Variants in UGT2A1 observed in about 807,000 individuals in gnomAD.
UGT2A1 encodes the protein UDP-glucuronosyltransferase 2A1.
In UGT2A1, 61 loss-of-function variants were observed where a neutral mutation model predicts 45.4. The ratio of observed to expected loss-of-function variants is 1.34; its 90% CI spans 1.09 to 1.66. The LOEUF (loss-of-function observed/expected upper bound fraction) is 1.66, where lower values mean the gene tolerates loss of function less well. Ranked by LOEUF, UGT2A1 falls within the 40% of genes most tolerant of loss-of-function variation. UGT2A1 has a pLI of 0.00. For synonymous variants in UGT2A1, 229 were observed against 196.2 expected (o/e 1.17, Z -1.40); for missense variants, 649 against 574.3 (o/e 1.13, Z -1.33).
chr4:69,639,879 T>C (rs1320131111), intron 2 of UGT2A1, among the ~76,000 whole-genome samples: 1 of 152,052 alleles, frequency 6.6e-6, no homozygotes, highest in Admixed American at 6.6e-5. Flanking sequence ...ACCTACCATC[T>C]ACATATTCTG....
intron 2 of UGT2A1, among the ~76,000 whole-genome samples, chr4:69,638,355 C>A (rs1203331388): frequency 6.6e-6 from 1 of 152,080 alleles, no homozygotes; most frequent in Non-Finnish European, 1.5e-5. Flanking sequence ...TGCAAGGAAA[C>A]ATGAGGCTGG....
chr4:69,609,817 A>C (rs1489826487), intron 3 of UGT2A1, among the ~76,000 whole-genome samples: 1 of 152,192 alleles, frequency 6.6e-6, no homozygotes, highest in African/African-American at 2.4e-5. Flanking sequence ...AATTACAGTC[A>C]ATTGTCAATT....
At chr4:69,639,440 A>G in intron 2 of UGT2A1, 1 of 1,613,212 alleles carries the variant, frequency 6.2e-7, no homozygotes. Context: ...TGATGAATAG[A>G]GTTGCTGATG....
intron 3 of UGT2A1, among the ~76,000 whole-genome samples, chr4:69,611,748 GT>G: frequency 6.6e-6 from 1 of 152,106 alleles, no homozygotes; most frequent in Admixed American, 6.6e-5. Context: ...CCAAAACAAA[GT>G]AAAAACATGA....
chr4:69,652,819 A>C (rs1321049686), intron 1 of UGT2A1, among the ~76,000 whole-genome samples: 6 of 152,160 alleles, frequency 3.9e-5, no homozygotes, highest in African/African-American at 1.4e-4. Flanking sequence ...ATATCAGTAT[A>C]AAGTTTCTTA....
rs988374877 is a variant in UGT2A1, at chr4:69,588,672, G to A, written c.*700C>T. The A allele has an allele frequency of 1.3e-5, 2 of 151,838 alleles. No homozygotes were observed. Among genetic ancestry groups the A allele is most frequent in the African/African-American group, 2.4e-5 (1 of 41,320 alleles). 9.4% of individuals were successfully genotyped at this position (151,838 alleles called of 1,614,324 possible). On this transcript the variant is annotated 3_prime_UTR_variant, in exon 7 of 7. Coordinates refer to ENST00000286604, the MANE Select transcript of UGT2A1 (RefSeq NM_001252275.3). ...ACTTTCTCCTTGAAATAAAAGAGTC[G>A]ATTGATTGATTTATTAAAGACAGTA...
rs767179840 is a variant in UGT2A1, at chr4:69,594,525, G to A, written c.1256C>T (p.Thr419Ile). The change falls in exon 6 of 7, where the codon ACA (threonine) becomes ATA (isoleucine). Residue 419 changes from threonine (T) to isoleucine (I), a missense_variant. By Grantham distance (89) the Thr-to-Ile change is moderately conservative (BLOSUM62 -1). Coordinates refer to ENST00000286604, the MANE Select transcript of UGT2A1 (RefSeq NM_001252275.3). ...AAVEVNLNTM[T>I]SVDLLSALRT... ...CAAAGCGCTAAGCAAATCCACACTT[G>A]TCATTGTGTTTAGGTTCACTTCCAC... The A allele has an allele frequency of 3.7e-6, 6 of 1,614,164 alleles. No individual in the cohort carries two copies. The Admixed American group carries it at 5.0e-5, about 13-fold the overall frequency.
chr4:69,633,156 C>T (rs1311958736), intron 3 of UGT2A1, among the ~76,000 whole-genome samples: 3 of 152,140 alleles, frequency 2.0e-5, no homozygotes, highest in Admixed American at 2.0e-4. Context: ...AGAGAGGAAT[C>T]CCAGAGAATG....
Position 69,611,860 on chromosome 4 carries a change from G to C in UGT2A1, c.848-12466C>G, listed in dbSNP as rs139099625. 3.0e-3 allele frequency among the ~76,000 whole-genome samples: 459 copies of C among 152,192 alleles called. 4 individuals carry two copies. Among genetic ancestry groups the C allele is most frequent in the African/African-American group, 0.01 (419 of 41,538 alleles). On this transcript the variant is annotated intron_variant, in intron 3 of 6. Transcript: ENST00000286604. ...TAGGAAAGCCTAATGGATTGCCCTAGTTTCCCTCATTACACATACGCATTC... is the reference window on the plus strand; with the variant it reads ...TAGGAAAGCCTAATGGATTGCCCTACTTTCCCTCATTACACATACGCATTC...
Position 69,599,336 on chromosome 4 carries a change from T to G in UGT2A1, c.906A>C (p.Thr302=), listed in dbSNP as rs1436579298. The stretch of plus-strand genomic sequence containing the variant: ...GACGAGGAAATTCAAAATCCCAATA[T>G]GTTCGGATTAACCAAATTTCAGCTT... ...MGKAEIWLIR[T]YWDFEFPRPY... is the part of the protein sequence containing the mutation. Residue 302 remains threonine, a synonymous_variant, in exon 4 of 7, where the codon ACA becomes ACC. Coordinates refer to ENST00000286604, the MANE Select transcript of UGT2A1 (RefSeq NM_001252275.3). 1 of 1,613,678 alleles carries G rather than the reference T, an allele frequency of 6.2e-7. No homozygotes were observed. The highest frequency in any genetic ancestry group is 8.5e-7 in the Non-Finnish European group (1 of 1,179,912).
At chr4:69,592,286 C>A (rs1410214008) in intron 6 of UGT2A1, among the ~76,000 whole-genome samples, 2 of 151,970 alleles carry the variant, frequency 1.3e-5, no homozygotes, top group East Asian at 3.9e-4. Context: ...ACAATTAAGT[C>A]CAATACAACA....
chr4:69,652,572 T>C (rs867371358), intron 1 of UGT2A1, among the ~76,000 whole-genome samples: 2 of 151,966 alleles, frequency 1.3e-5, no homozygotes, highest in Non-Finnish European at 2.9e-5. Context: ...CGCCTGGCCA[T>C]TATTTTCTTT....
chr4:69,592,760 A>G (rs1232217840), intron 6 of UGT2A1, among the ~76,000 whole-genome samples: 3 of 152,066 alleles, frequency 2.0e-5, no homozygotes, highest in African/African-American at 7.2e-5. Flanking sequence ...CTGGTGCTCC[A>G]GAAGTAAAGA....
Position 69,606,643 on chromosome 4 carries a change from C to A in UGT2A1, c.848-7249G>T, listed in dbSNP as rs1364274792. Among the ~76,000 whole-genome samples the A allele has an allele frequency of 4.4e-5, 6 of 136,850 alleles. 2 individuals carry two copies. Among genetic ancestry groups the A allele is most frequent in the African/African-American group, 8.9e-5 (3 of 33,760 alleles). The allele number at this position is 136,850 out of a possible 152,430, so 89.8% of individuals were successfully genotyped here. A position where few individuals can be genotyped will look rare whatever the true frequency, so the allele number is the denominator to read the frequency against. On this transcript the variant is annotated intron_variant, in intron 3 of 6. Transcript: ENST00000286604. ...GAGGAAGTCAAATTGTCCCTGTTTGCAGTTGACATGATTGTATATCTAGAA... is the reference window on the plus strand; with the variant it reads ...GAGGAAGTCAAATTGTCCCTGTTTGAAGTTGACATGATTGTATATCTAGAA...
intron 2 of UGT2A1, among the ~76,000 whole-genome samples, chr4:69,646,304 A>G (rs559680745): frequency 1.3e-5 from 2 of 151,958 alleles, no homozygotes; most frequent in East Asian, 3.9e-4. Context: ...AACATGATCA[A>G]TATAGGCTTT....
intron 3 of UGT2A1, among the ~76,000 whole-genome samples, chr4:69,600,580 C>G (rs1282587888): frequency 6.6e-6 from 1 of 152,140 alleles, no homozygotes; most frequent in Non-Finnish European, 1.5e-5. Context: ...TGTGTTAGGC[C>G]TTTCTCTTAT....
At chr4:69,613,050 T>A (rs1720162544) in intron 3 of UGT2A1, among the ~76,000 whole-genome samples, 1 of 125,158 alleles carries the variant, frequency 8.0e-6, no homozygotes, top group Admixed American at 7.7e-5. Flanking sequence ...ACAAATAACC[T>A]CACTAAAAAA....
intron 2 of UGT2A1, among the ~76,000 whole-genome samples, chr4:69,637,997 C>CAGGAAGGA (rs200856756): frequency 7.5e-6 from 1 of 132,986 alleles, no homozygotes; most frequent in African/African-American, 2.8e-5. Flanking sequence ...GGAAGGCAGG[C>CAGGAAGGA]AGGAAGGAAG....
chr4:69,601,661 A>T (rs995913088), intron 3 of UGT2A1, among the ~76,000 whole-genome samples: 1 of 152,146 alleles, frequency 6.6e-6, no homozygotes, highest in Non-Finnish European at 1.5e-5. Flanking sequence ...TGAGAAAGTC[A>T]ACATTGCTAA....
Sources: allele counts gnomAD v4.1 joint callset (sites outside exome capture counted in the v4.1 genomes callset), GRCh38; gene constraint gnomAD v4.1.1; transcripts MANE v1.5; gene names NCBI Gene and HGNC (gene_info 2026-07-23, HGNC 2026-07-21).